RGL1: variants seen among roughly 807,000 people sequenced by gnomAD.
RGL1 encodes ral guanine nucleotide dissociation stimulator-like 1.
A neutral mutation model predicts 95.2 loss-of-function variants in RGL1; 24 were observed. The ratio of observed to expected loss-of-function variants is 0.25; its 90% confidence interval spans 0.18 to 0.35. The LOEUF (loss-of-function observed/expected upper bound fraction) is 0.35. Among genes scored for constraint, RGL1 ranks in the 10% least tolerant of loss-of-function variants. The pLI, the probability that RGL1 is intolerant of heterozygous loss-of-function variation, is 1.00. For synonymous variants in RGL1, 329 were observed against 344.9 expected (o/e 0.95, Z 0.51); for missense variants, 715 against 936.3 (o/e 0.76, Z 3.08).
At chr1:183,787,837 G>C (rs1051976201) in intron 2 of RGL1, among the ~76,000 whole-genome samples, 2 of 151,252 alleles carry the variant, frequency 1.3e-5, no homozygotes, top group Non-Finnish European at 2.9e-5. Flanking sequence ...AAAAAAAAAA[G>C]AGCCTGGCAC....
chr1:183,875,868 T>G (rs1666464402), intron 4 of RGL1, among the ~76,000 whole-genome samples: 1 of 107,172 alleles, frequency 9.3e-6, no homozygotes, highest in Non-Finnish European at 1.9e-5. Flanking sequence ...GACAGCTCTG[T>G]CTCAAAAAAA....
intron 1 of RGL1, among the ~76,000 whole-genome samples, chr1:183,708,574 CCCAGCCTAG>C (rs1655065384): frequency 1.3e-5 from 2 of 152,206 alleles, no homozygotes; most frequent in African/African-American, 2.4e-5. Context: ...CAAGCTCCTG[CCCAGCCTAG>C]TGACACAGAG....
chr1:183,832,094 A>T (rs535195864), intron 2 of RGL1, among the ~76,000 whole-genome samples: 1 of 152,328 alleles, frequency 6.6e-6, no homozygotes, highest in Non-Finnish European at 1.5e-5. Flanking sequence ...TGAAGTGATA[A>T]GACTAGAGGC....
At chr1:183,733,790 G>C (rs942226248) in intron 1 of RGL1, among the ~76,000 whole-genome samples, 1 of 152,188 alleles carries the variant, frequency 6.6e-6, no homozygotes, top group African/African-American at 2.4e-5. Context: ...ACTAATTAAA[G>C]GGTCTTCTGT....
intron 17 of RGL1, among the ~76,000 whole-genome samples, chr1:183,924,449 G>C (rs1669494504): frequency 6.6e-6 from 1 of 152,000 alleles, no homozygotes; most frequent in African/African-American, 2.4e-5. Flanking sequence ...ACAGGGAGGG[G>C]AATATCACAC....
intron 1 of RGL1, chr1:183,636,524 G>A (rs1649541112): frequency 4.8e-6 from 1 of 209,646 alleles, no homozygotes; most frequent in Admixed American, 5.9e-5. Flanking sequence ...TTGGGAGGGA[G>A]GGGAACGTGT....
chr1:183,691,515 G>C (rs1280964003), intron 1 of RGL1, among the ~76,000 whole-genome samples: 1 of 152,090 alleles, frequency 6.6e-6, no homozygotes. Flanking sequence ...TCATATTATT[G>C]GTTTATGTAA....
At chr1:183,657,905 C>A (rs1429557794) in intron 1 of RGL1, among the ~76,000 whole-genome samples, 4 of 152,218 alleles carry the variant, frequency 2.6e-5, no homozygotes, top group Non-Finnish European at 2.9e-5. Context: ...ACAGTCCCAC[C>A]AACAGTGTAA....
chr1:183,801,810 A>G (rs1290344575), upstream of RGL1, among the ~76,000 whole-genome samples: 1 of 152,200 alleles, frequency 6.6e-6, no homozygotes, highest in Non-Finnish European at 1.5e-5. Context: ...ATGGTGAGAG[A>G]GGAGGCAAGA....
chr1:183,679,785 C>T (rs1572265868), intron 1 of RGL1, among the ~76,000 whole-genome samples: 1 of 152,144 alleles, frequency 6.6e-6, no homozygotes. Flanking sequence ...CTTGAGGAAT[C>T]GCCACACTGT....
chr1:183,739,852 T>C (rs1410588692), intron 1 of RGL1, among the ~76,000 whole-genome samples: 2 of 152,198 alleles, frequency 1.3e-5, no homozygotes, highest in Non-Finnish European at 2.9e-5. Context: ...GCTGAAAATT[T>C]GCCAACTTTC....
chr1:183,760,342 G>C (rs963514965), intron 2 of RGL1, among the ~76,000 whole-genome samples: 1 of 152,102 alleles, frequency 6.6e-6, no homozygotes, highest in Non-Finnish European at 1.5e-5. Context: ...CATTAATGAA[G>C]TTTGTCATAT....
chr1:183,815,558 C>T (rs1391128732), intron 2 of RGL1, among the ~76,000 whole-genome samples: 1 of 152,154 alleles, frequency 6.6e-6, no homozygotes, highest in Non-Finnish European at 1.5e-5. Flanking sequence ...TTTTCATTTT[C>T]AGGGGTATGT....
chr1:183,910,706 A>AT (rs1668598674), intron 14 of RGL1, among the ~76,000 whole-genome samples: 1 of 151,884 alleles, frequency 6.6e-6, no homozygotes, highest in East Asian at 1.9e-4. Flanking sequence ...CTAGTTCATG[A>AT]TTTTTTTCTT....
chr1:183,884,166 T>C (rs1666988155), intron 6 of RGL1, among the ~76,000 whole-genome samples: 1 of 152,238 alleles, frequency 6.6e-6, no homozygotes, highest in Admixed American at 6.5e-5. Flanking sequence ...AGAATTCGAA[T>C]CCCTGTGAAA....
chr1:183,741,033 T>G (rs1394690023), intron 1 of RGL1, among the ~76,000 whole-genome samples: 2 of 151,994 alleles, frequency 1.3e-5, no homozygotes, highest in Non-Finnish European at 2.9e-5. Flanking sequence ...GGATGGGGAT[T>G]GGAGAGAAGG....
rs148151997 is a variant in RGL1 at position 183,732,901 on chromosome 1, G to A, written c.-32-9225G>A. ...GTTTCTAAACATGTTTTGAAAATCC[G>A]TTTGAAATTTGAGAGTAGAATTTGG... On this transcript the variant is annotated intron_variant, in intron 1 of 18. Coordinates refer to the RGL1 transcript ENST00000304685. Among the ~76,000 whole-genome samples, 537 of 152,252 alleles carry A rather than the reference G, an allele frequency of 3.5e-3. 4 individuals are homozygous for A. The highest frequency in any genetic ancestry group is 0.012 in the African/African-American group (503 of 41,554).
chr1:183,740,432 G>A (rs1657218944), intron 1 of RGL1, among the ~76,000 whole-genome samples: 1 of 152,220 alleles, frequency 6.6e-6, no homozygotes, highest in African/African-American at 2.4e-5. Context: ...GGAAGCCCCA[G>A]AGCAGAGAAG....
intron 2 of RGL1, among the ~76,000 whole-genome samples, chr1:183,772,616 G>A (rs1659340734): frequency 6.6e-6 from 1 of 152,124 alleles, no homozygotes; most frequent in Non-Finnish European, 1.5e-5. Context: ...GGGAAACCTT[G>A]GTCTACAGGA....
Sources: allele counts gnomAD v4.1 joint callset (sites outside exome capture counted in the v4.1 genomes callset), GRCh38; gene constraint gnomAD v4.1.1; transcripts MANE v1.5; gene names NCBI Gene and HGNC (gene_info 2026-07-23, HGNC 2026-07-21).